ALDH1A1: variants seen among roughly 807,000 people sequenced by gnomAD.
ALDH1A1 encodes the protein aldehyde dehydrogenase 1A1.
Under a neutral mutation model 62.1 loss-of-function variants are expected in ALDH1A1, and 19 were observed. The observed-to-expected ratio is 0.31, with a 90% confidence interval of 0.21 to 0.45. ALDH1A1 has a LOEUF of 0.45. ALDH1A1 is among the 20% of genes least tolerant of loss of function. The pLI, the probability that ALDH1A1 is intolerant of heterozygous loss-of-function variation, is 1.00. For missense variants in ALDH1A1, 521 were observed against 607.1 expected (o/e 0.86, Z 1.49); for synonymous variants, 231 against 215.9 (o/e 1.07, Z -0.61).
intron 2 of ALDH1A1, among the ~76,000 whole-genome samples, chr9:72,938,738 A>G (rs1830376763): frequency 1.3e-5 from 2 of 149,486 alleles, no homozygotes; most frequent in Admixed American, 1.3e-4. Flanking sequence ...CATAATAAGA[A>G]AGACTATTTA....
At position 72,925,439 on chromosome 9, in the gene ALDH1A1, A is replaced by C. The variant is rs779982428; in HGVS notation, c.633+45T>G. The C allele has an allele frequency of 6.9e-6, 11 of 1,600,586 alleles. No individual in the cohort carries two copies. The Admixed American group carries it at 1.0e-4, about 15-fold the overall frequency. ...AAATGAGGTCTTCCTATTGTAATTT[A>C]GGATTCTTGAGTTCTTGAGCATATT... On this transcript the variant is annotated intron_variant, in intron 6 of 12. Transcript: ENST00000297785.
intron 7 of ALDH1A1, among the ~76,000 whole-genome samples, chr9:72,922,382 G>A (rs8187945): frequency 0.063 from 9,641 of 152,174 alleles, 389 homozygotes; most frequent in South Asian, 0.14. Flanking sequence ...AGTAGGTAAA[G>A]TGCTCCCCCA....
rs1588127323 is a variant in ALDH1A1, at chr9:72,901,429, C to T, written c.1434-149G>A. On this transcript the variant is annotated intron_variant, in intron 12 of 12. Coordinates refer to ENST00000297785, the MANE Select transcript of ALDH1A1 (RefSeq NM_000689.5). ...GTGTACAGAGCATTTTATATAGTAG[C>T]TAGCCAATCATAAGATTTCTGGTCT... 5 of 494,434 alleles carry T rather than the reference C, an allele frequency of 1.0e-5. No individual in the cohort carries two copies. In the Admixed American group the frequency reaches 1.4e-4, roughly 13 times the overall value. 30.6% of individuals were successfully genotyped at this position (494,434 alleles called of 1,614,324 possible).
chr9:72,922,407 C>T (rs1830156000), intron 7 of ALDH1A1, among the ~76,000 whole-genome samples: 1 of 152,048 alleles, frequency 6.6e-6, no homozygotes, highest in African/African-American at 2.4e-5. Flanking sequence ...TATAGGGGAT[C>T]ATGGATGAGC....
intron 9 of ALDH1A1, 33 bp downstream of exon 9, chr9:72,916,887 C>G: frequency 6.6e-7 from 1 of 1,511,160 alleles, no homozygotes; most frequent in Non-Finnish European, 8.9e-7. Flanking sequence ...TTCCTGTGCC[C>G]TGAAAATGCT....
intron 7 of ALDH1A1, among the ~76,000 whole-genome samples, chr9:72,919,876 A>G (rs368368829): frequency 9.2e-5 from 14 of 152,114 alleles, no homozygotes; most frequent in African/African-American, 3.4e-4. Flanking sequence ...GTTTTCAATT[A>G]TTTTTTCCTT....
intron 11 of ALDH1A1, among the ~76,000 whole-genome samples, chr9:72,908,993 TC>T (rs1829942569): frequency 6.6e-6 from 1 of 152,146 alleles, no homozygotes; most frequent in African/African-American, 2.4e-5. Context: ...TTGTTCTTAC[TC>T]TTTTACCTCC....
chr9:72,948,133 G>T (rs1830495835), intron 1 of ALDH1A1, among the ~76,000 whole-genome samples: 1 of 151,870 alleles, frequency 6.6e-6, no homozygotes, highest in Non-Finnish European at 1.5e-5. Context: ...GCTTGGCCAA[G>T]GTCATATAAT....
At chr9:72,909,154 G>GTTTTT (rs1564623273) in intron 11 of ALDH1A1, among the ~76,000 whole-genome samples, 2 of 87,754 alleles carry the variant, frequency 2.3e-5, no homozygotes, top group African/African-American at 7.4e-5. Flanking sequence ...TTCCAATACA[G>GTTTTT]CTTTTTTTTT....
At chr9:72,913,656 C>T (rs938778671) in intron 9 of ALDH1A1, among the ~76,000 whole-genome samples, 2 of 152,224 alleles carry the variant, frequency 1.3e-5, no homozygotes, top group Admixed American at 1.3e-4. Flanking sequence ...TGCATACATA[C>T]TGGAGAAAAG....
chr9:72,903,931 T>G (rs759990843), intron 12 of ALDH1A1, among the ~76,000 whole-genome samples: 8 of 152,088 alleles, frequency 5.3e-5, no homozygotes, highest in Non-Finnish European at 1.2e-4. Flanking sequence ...TTGTACAAAG[T>G]AATTAGTTTT....
intron 7 of ALDH1A1, among the ~76,000 whole-genome samples, chr9:72,921,517 T>TTC (rs1830143896): frequency 6.7e-6 from 1 of 149,788 alleles, no homozygotes; most frequent in African/African-American, 2.5e-5. Flanking sequence ...TTTTTTTTTT[T>TTC]TTTCATTTTT....
chr9:72,922,323 A>AT (rs1274968517), intron 7 of ALDH1A1, among the ~76,000 whole-genome samples: 3 of 152,302 alleles, frequency 2.0e-5, no homozygotes, highest in African/African-American at 7.2e-5. Flanking sequence ...TAGAGTCAGA[A>AT]TTTAAACCAA....
intron 11 of ALDH1A1, among the ~76,000 whole-genome samples, chr9:72,908,555 GAAA>G (rs1564622496): frequency 6.1e-4 from 2 of 3,262 alleles, no homozygotes; most frequent in African/African-American, 1.4e-3. Flanking sequence ...AAAGAAAGAA[GAAA>G]GAAAGAAAGA....
chr9:72,952,869 T>G (rs1278390087), intron 1 of ALDH1A1, 66 bp downstream of exon 1: 6 of 1,574,396 alleles, frequency 3.8e-6, no homozygotes, highest in Admixed American at 3.5e-5. Flanking sequence ...AATTGACCTT[T>G]AATGCTTTAC....
At chr9:72,913,953 T>C (rs544777955) in intron 9 of ALDH1A1, among the ~76,000 whole-genome samples, 28 of 152,326 alleles carry the variant, frequency 1.8e-4, no homozygotes, top group African/African-American at 6.7e-4. Flanking sequence ...TCACCACAAA[T>C]ACAGACCTTC....
chr9:72,925,221 G>T (rs1830189384), intron 6 of ALDH1A1, among the ~76,000 whole-genome samples: 1 of 152,202 alleles, frequency 6.6e-6, no homozygotes, highest in Non-Finnish European at 1.5e-5. Context: ...GTTCATGAGA[G>T]TTGGACAAAG....
chr9:72,925,303 G>A (rs1392690291), intron 6 of ALDH1A1, among the ~76,000 whole-genome samples, 181 bp downstream of exon 6: 1 of 152,194 alleles, frequency 6.6e-6, no homozygotes, highest in Non-Finnish European at 1.5e-5. Context: ...CTGCATTTGG[G>A]CAGAGATGAA....
intron 1 of ALDH1A1, among the ~76,000 whole-genome samples, chr9:72,946,697 C>T (rs1376251750): frequency 6.6e-6 from 1 of 151,702 alleles, no homozygotes; most frequent in Non-Finnish European, 1.5e-5. Context: ...ATAATATATC[C>T]CCTGGCTATA....
Sources: gnomAD v4.1 joint callset for allele counts (sites outside exome capture counted in the v4.1 genomes callset) on GRCh38, gnomAD v4.1.1 for gene constraint, MANE v1.5 for transcripts, NCBI Gene and HGNC (gene_info 2026-07-23, HGNC 2026-07-21) for gene names.